MYH14: variants seen among roughly 807,000 people sequenced by gnomAD.
MYH14 encodes the protein myosin-14.
Under a neutral mutation model 255.5 loss-of-function variants are expected in MYH14, and 123 were observed. The observed-to-expected ratio is 0.48, with a 90% CI of 0.42 to 0.56. The LOEUF (loss-of-function observed/expected upper bound fraction) is 0.56. Among genes scored for constraint, MYH14 ranks in the 20% least tolerant of loss-of-function variants. The probability of loss-of-function intolerance (pLI) is 0.00; values close to 1 mark genes in which losing one functional copy is unlikely to be tolerated. For missense variants in MYH14, 2,423 were observed against 2,802.3 expected, an observed-to-expected ratio of 0.86 and a Z score of 3.06; for synonymous variants, 1,095 against 1,161.2, an observed-to-expected ratio of 0.94 and a Z score of 1.16.
Position 50,276,084 on chromosome 19 carries a change from T to C in MYH14, c.3561T>C (p.Ser1187=). The change falls in exon 28 of 43, where the codon TCT becomes TCC. Residue 1187 remains serine, a synonymous_variant. Transcript: ENST00000642316. This position sits in a 1 kb window ranked among gnomAD's most constrained non-coding sequence, Gnocchi z 4.3. ...ALAEAQEDLE[S]ERVARTKAEK... The stretch of plus-strand genomic sequence containing the variant: ...CCGAGGCCCAGGAGGACCTGGAGTC[T>C]GAGCGTGTGGCCAGGACCAAGGCGG... The C allele has an allele frequency of 6.2e-7, 1 of 1,610,846 alleles. No homozygotes were observed. Among genetic ancestry groups the C allele is most frequent in the Non-Finnish European group, 8.5e-7 (1 of 1,178,986 alleles).
At chr19:50,243,368 G>A (rs2033966455) in intron 10 of MYH14, among the ~76,000 whole-genome samples, 1 of 152,034 alleles carries the variant, frequency 6.6e-6, no homozygotes, top group African/African-American at 2.4e-5. Flanking sequence ...GTTGGGAGGT[G>A]GAGGTTGCAG....
At position 50,286,626 on chromosome 19, in the gene MYH14, C is replaced by A; in HGVS notation, c.4684C>A (p.Arg1562=). ...GCAGGAGGCACGTGAGGAGCTGGAGCGGCAGAACCGGGCCCTGCGGGCTGA... is the reference window on the plus strand; with the variant it reads ...GCAGGAGGCACGTGAGGAGCTGGAGAGGCAGAACCGGGCCCTGCGGGCTGA... The part of the protein sequence containing the change: ...EEQEAREELE[R]QNRALRAELE... Residue 1562 remains arginine (R), a synonymous_variant, in exon 34 of 43, where the codon CGG becomes AGG. Transcript: ENST00000642316. The A allele has an allele frequency of 6.3e-7, 1 of 1,597,284 alleles. No homozygotes were observed. Among genetic ancestry groups the A allele is most frequent in the African/African-American group, 1.3e-5 (1 of 74,862 alleles).
intron 40 of MYH14, among the ~76,000 whole-genome samples, chr19:50,306,017 G>A (rs144748691): frequency 0.077 from 11,670 of 152,194 alleles, 668 homozygotes; most frequent in African/African-American, 0.16. Flanking sequence ...AGTGGCTCAC[G>A]CCTGTAATCC....
rs2032265799 is a variant in MYH14 at position 50,212,754 on chromosome 19, TG to T, written c.405+1986del. 3.9e-5 allele frequency among the ~76,000 whole-genome samples: 6 copies of T among 152,150 alleles called. No individual in the cohort carries two copies. The South Asian group carries it at 8.3e-4, about 21-fold the overall frequency. On this transcript the variant is annotated intron_variant, in intron 2 of 42. Coordinates refer to ENST00000642316, the MANE Select transcript of MYH14 (RefSeq NM_001145809.2). ...GTCCCTCAGCTTGTGGTGGCAGGTG[TG>T]GAATTTGAATCGAGGGCTGTCGGAC... is the stretch of plus-strand genomic sequence containing the variant.
chr19:50,264,054 T>TAAAAAAA, intron 22 of MYH14, among the ~76,000 whole-genome samples: 2 of 6,754 alleles, frequency 3.0e-4, no homozygotes, highest in South Asian at 4.0e-3. Context: ...AAACTCTGTC[T>TAAAAAAA]CAAAAAAAAA....
Position 50,250,411 on chromosome 19 carries a change from GT to G in MYH14, c.1657-99del. The G allele has an allele frequency of 7.9e-7, 1 of 1,265,456 alleles. No individual in the cohort carries two copies. The highest frequency in any genetic ancestry group is 1.1e-6 in the Non-Finnish European group (1 of 894,162). The allele number at this position is 1,265,456 out of a possible 1,614,324, so 78.4% of individuals were successfully genotyped here. A position where few individuals can be genotyped will look rare whatever the true frequency, so the allele number is the denominator to read the frequency against. ...CCACCGTGCCTGGCATCTCACGTTT[GT>G]TTTTATGTCCAAGTGTGACTTATAA... On this transcript the variant is annotated intron_variant, in intron 14 of 42. Transcript: ENST00000642316. The surrounding 1 kb of genome is among the most constrained non-coding windows in gnomAD (Gnocchi z 5.4).
chr19:50,220,413 TTTTA>T (rs1377635090), intron 3 of MYH14, among the ~76,000 whole-genome samples: 3 of 149,470 alleles, frequency 2.0e-5, no homozygotes, highest in Non-Finnish European at 4.4e-5. Flanking sequence ...TTTATATTTA[TTTTA>T]TTATTATATA....
chr19:50,210,537 G>A lies in MYH14; in HGVS notation c.172G>A (p.Val58Met). The change falls in exon 2 of 43, where the codon GTG becomes ATG. Residue 58 changes from valine (V) to methionine (M), a missense_variant. Val to Met is a conservative substitution (Grantham distance 21). Around this residue, in one of 3 missense-constraint regions of MYH14, gnomAD observed 238 missense variants for 245.8 expected, o/e 0.97. Transcript: ENST00000642316. ...GTGGACGGCCCGGCGTCTCGTGTGG[G>A]TGCCTTCGGAGCTTCACGGGTTCGA... The part of the protein sequence containing the change: ...VEWTARRLVW[V>M]PSELHGFEAA... The A allele has an allele frequency of 6.3e-7, 1 of 1,580,216 alleles. No homozygotes were observed. The highest frequency in any genetic ancestry group is 8.6e-7 in the Non-Finnish European group (1 of 1,164,690).
At chr19:50,279,941 T>C in intron 30 of MYH14, 96 bp from the exon 31 acceptor site, 1 of 908,338 alleles carries the variant, frequency 1.1e-6, no homozygotes, top group Non-Finnish European at 1.8e-6. Flanking sequence ...GCTGTAACAT[T>C]TCACATTCCT....
chr19:50,245,447 G>A (rs116248975), intron 11 of MYH14, among the ~76,000 whole-genome samples: 17 of 127,656 alleles, frequency 1.3e-4, no homozygotes, highest in South Asian at 2.4e-4. Flanking sequence ...AAGAAAGAAA[G>A]AAAAAGAAGA....
intron 39 of MYH14, among the ~76,000 whole-genome samples, chr19:50,298,405 C>CAT (rs1422668035): frequency 6.6e-5 from 10 of 151,550 alleles, no homozygotes; most frequent in Non-Finnish European, 1.2e-4. Flanking sequence ...CACACATACA[C>CAT]ACACACACAC....
At chr19:50,263,107 G>A (rs2034947750) in intron 21 of MYH14, among the ~76,000 whole-genome samples, 1 of 152,168 alleles carries the variant, frequency 6.6e-6, no homozygotes, top group African/African-American at 2.4e-5. Flanking sequence ...GGTGAGGCAG[G>A]AGAATTGCTT....
chr19:50,223,862 G>T (rs652103), intron 5 of MYH14, among the ~76,000 whole-genome samples: 1 of 152,192 alleles, frequency 6.6e-6, no homozygotes, highest in Non-Finnish European at 1.5e-5. Flanking sequence ...AATCCCAGCA[G>T]TTTGGGAGGC....
Position 50,271,420 on chromosome 19 carries a change from C to T in MYH14, c.3045C>T (p.Ala1015=), listed in dbSNP as rs760824087. 1.2e-6 allele frequency: 2 copies of T among 1,603,522 alleles called. No individual in the cohort carries two copies. The highest frequency in any genetic ancestry group is 1.7e-6 in the Non-Finnish European group (2 of 1,175,330). Residue 1015 remains alanine (A), a synonymous_variant, in exon 25 of 43, where the codon GCC becomes GCT. Transcript: ENST00000642316. ...CCTTCCCACCCCAGGAGCTAGAGGCCCACCTTGAGGCTGAGGAGGGTGCGC... is the reference window on the plus strand; with the variant it reads ...CCTTCCCACCCCAGGAGCTAGAGGCTCACCTTGAGGCTGAGGAGGGTGCGC... ...RLQQHIQELE[A]HLEAEEGARQ...
chr19:50,266,776 G>C lies in MYH14; in HGVS notation c.2695-101G>C. 1.4e-6 allele frequency: 2 copies of C among 1,474,142 alleles called. No individual in the cohort carries two copies. Among genetic ancestry groups the C allele is most frequent in the Non-Finnish European group, 1.8e-6 (2 of 1,082,970 alleles). 91.3% of individuals were successfully genotyped at this position (1,474,142 alleles called of 1,614,324 possible). On this transcript the variant is annotated intron_variant, in intron 22 of 42. Transcript: ENST00000642316. This position sits in a 1 kb window ranked among gnomAD's most constrained non-coding sequence, Gnocchi z 4.1. ...CAAGGCGGGGACACACAGCTAATAG[G>C]TGGAGGAGAAGGGATTTGAACCCAG...
intron 10 of MYH14, among the ~76,000 whole-genome samples, chr19:50,243,137 A>C (rs934258608): frequency 1.3e-5 from 2 of 152,160 alleles, no homozygotes; most frequent in African/African-American, 4.8e-5. Flanking sequence ...CAAAATGCAC[A>C]TAAAACAAGG....
chr19:50,263,488 C>A (rs2034965567), intron 22 of MYH14, 68 bp downstream of exon 22: 3 of 1,126,332 alleles, frequency 2.7e-6, no homozygotes, highest in East Asian at 2.7e-5. Context: ...GTCTGCTTGA[C>A]AAGTGACTTC....
chr19:50,244,371 A>G (rs1328194877), intron 11 of MYH14, 34 bp downstream of exon 11: 3 of 1,588,198 alleles, frequency 1.9e-6, no homozygotes, highest in South Asian at 1.1e-5. Flanking sequence ...CACGACCTCC[A>G]GCCCCCGCCC....
intron 33 of MYH14, chr19:50,285,643 G>A (rs568546946): frequency 7.2e-5 from 11 of 152,212 alleles, no homozygotes; most frequent in African/African-American, 2.6e-4. Flanking sequence ...TTTCTACATA[G>A]ATGATCATGT....
Sources: allele counts gnomAD v4.1 joint callset (sites outside exome capture counted in the v4.1 genomes callset), GRCh38; gene constraint gnomAD v4.1.1; regional missense constraint gnomAD v4.1.1; non-coding constraint Gnocchi (gnomAD v3.1); transcripts MANE v1.5; gene names NCBI Gene and HGNC (gene_info 2026-07-23, HGNC 2026-07-21).